The following LIN7A variants were observed in gnomAD, a reference collection of about 807,000 sequenced individuals.
LIN7A encodes the protein lin-7 cell polarity scaffold A, also known as protein lin-7 homolog A.
LIN7A carries 25 observed loss-of-function variants against 29.8 expected under a neutral mutation model. The ratio of observed to expected loss-of-function variants is 0.84; its 90% CI spans 0.61 to 1.17. The LOEUF (loss-of-function observed/expected upper bound fraction) is 1.17, where lower values mean the gene tolerates loss of function less well. Among genes scored for constraint, LIN7A ranks in the 50% most tolerant of loss-of-function variants. LIN7A has a pLI of 0.00. For missense variants in LIN7A, 239 were observed against 287.0 expected (o/e 0.83, Z 1.21); for synonymous variants, 118 against 107.5 (o/e 1.10, Z -0.60).
chr12:80,921,942 T>C (rs576545668), intron 1 of LIN7A, among the ~76,000 whole-genome samples: 1 of 152,340 alleles, frequency 6.6e-6, no homozygotes, highest in African/African-American at 2.4e-5. Context: ...ATATTCCCTT[T>C]GAGTTCACAA....
chr12:80,918,618 A>T (rs143748794), intron 1 of LIN7A, among the ~76,000 whole-genome samples: 38 of 151,672 alleles, frequency 2.5e-4, no homozygotes, highest in African/African-American at 8.2e-4. Flanking sequence ...TGGAGATTCT[A>T]CTCCCTCATT....
intron 1 of LIN7A, among the ~76,000 whole-genome samples, chr12:80,919,923 C>A (rs1015957321): frequency 1.3e-5 from 2 of 152,070 alleles, no homozygotes; most frequent in Admixed American, 1.3e-4. Context: ...AAGTCACAAG[C>A]AATTGCAGTC....
chr12:80,921,241 C>A (rs1877285401), intron 1 of LIN7A, among the ~76,000 whole-genome samples: 1 of 151,854 alleles, frequency 6.6e-6, no homozygotes, highest in Non-Finnish European at 1.5e-5. Flanking sequence ...TATGCTGGTA[C>A]CTTGATTTTG....
chr12:80,876,862 C>T (rs1874730355), intron 2 of LIN7A, among the ~76,000 whole-genome samples: 1 of 152,152 alleles, frequency 6.6e-6, no homozygotes, highest in African/African-American at 2.4e-5. Context: ...TGGCTCATGC[C>T]TGTAATCCCA....
chr12:80,813,726 G>A (rs576949818), intron 4 of LIN7A, among the ~76,000 whole-genome samples: 30 of 152,266 alleles, frequency 2.0e-4, no homozygotes, highest in African/African-American at 7.2e-4. Context: ...AAAGAAGAAA[G>A]TTGTAATTAG....
intron 1 of LIN7A, among the ~76,000 whole-genome samples, chr12:80,907,055 C>CTCTCTGTG (rs1555228957): frequency 2.8e-5 from 4 of 145,298 alleles, no homozygotes; most frequent in East Asian, 2.0e-4. Flanking sequence ...AGTGCGTGCT[C>CTCTCTGTG]TGTGTGTGTG....
intron 4 of LIN7A, among the ~76,000 whole-genome samples, chr12:80,836,345 G>T (rs1052859226): frequency 1.3e-5 from 2 of 152,158 alleles, no homozygotes; most frequent in African/African-American, 4.8e-5. Context: ...ACCCTTCAAA[G>T]AGGCCATTTC....
At chr12:80,816,004 T>C (rs1366649374) in intron 4 of LIN7A, among the ~76,000 whole-genome samples, 1 of 152,188 alleles carries the variant, frequency 6.6e-6, no homozygotes, top group Non-Finnish European at 1.5e-5. Context: ...AGGCTGGCCA[T>C]GAGCATACTT....
At chr12:80,836,257 A>G (rs558663185) in intron 4 of LIN7A, among the ~76,000 whole-genome samples, 2 of 152,284 alleles carry the variant, frequency 1.3e-5, no homozygotes, top group South Asian at 4.1e-4. Context: ...CAAATCATGG[A>G]CTTCCTTATC....
chr12:80,888,272 T>C (rs938089960), intron 2 of LIN7A, among the ~76,000 whole-genome samples: 49 of 152,314 alleles, frequency 3.2e-4, no homozygotes, highest in Admixed American at 2.9e-3. Flanking sequence ...ATGTATTGCA[T>C]AGGCACCAGT....
intron 2 of LIN7A, among the ~76,000 whole-genome samples, chr12:80,869,551 A>T (rs769618763): frequency 4.3e-4 from 66 of 152,196 alleles, no homozygotes; most frequent in Middle Eastern, 3.4e-3. Context: ...GCACCCTCTG[A>T]CTTCTTTTTA....
chr12:80,868,584 C>T (rs1015330136), intron 2 of LIN7A, among the ~76,000 whole-genome samples: 15 of 152,048 alleles, frequency 9.9e-5, no homozygotes, highest in African/African-American at 3.6e-4. Flanking sequence ...ATCAATCAAA[C>T]AAACAAACAA....
chr12:80,853,904 G>C (rs1873459442), intron 2 of LIN7A, among the ~76,000 whole-genome samples: 1 of 152,058 alleles, frequency 6.6e-6, no homozygotes. Context: ...ATATTGTTCA[G>C]GCTGGTCTCG....
chr12:80,932,162 G>A (rs1877949073), intron 1 of LIN7A, among the ~76,000 whole-genome samples: 1 of 152,284 alleles, frequency 6.6e-6, no homozygotes, highest in South Asian at 2.1e-4. Flanking sequence ...AGCTCTGCCT[G>A]CCTTGAAAAG....
chr12:80,850,734 C>A (rs1038831437), intron 2 of LIN7A, among the ~76,000 whole-genome samples: 2 of 152,134 alleles, frequency 1.3e-5, no homozygotes, highest in Non-Finnish European at 1.5e-5. Flanking sequence ...TTAAGCTATA[C>A]CTTTTCTTCG....
At chr12:80,834,742 T>C (rs1872533801) in intron 4 of LIN7A, among the ~76,000 whole-genome samples, 2 of 152,230 alleles carry the variant, frequency 1.3e-5, no homozygotes, top group Admixed American at 1.3e-4. Context: ...TGTCATCTGA[T>C]TGCCATATGT....
At chr12:80,863,780 A>G (rs984304601) in intron 2 of LIN7A, among the ~76,000 whole-genome samples, 3 of 152,346 alleles carry the variant, frequency 2.0e-5, no homozygotes, top group Non-Finnish European at 2.9e-5. Flanking sequence ...ACCCTATCCT[A>G]TACCCCATCT....
At chr12:80,899,558 G>C (rs1160321977) in intron 1 of LIN7A, among the ~76,000 whole-genome samples, 1 of 151,830 alleles carries the variant, frequency 6.6e-6, no homozygotes, top group Admixed American at 6.6e-5. Context: ...CAGTAGGAAT[G>C]GTACCAGTTC....
chr12:80,893,302 C>T (rs556202348), intron 1 of LIN7A, among the ~76,000 whole-genome samples: 6 of 152,224 alleles, frequency 3.9e-5, no homozygotes, highest in African/African-American at 1.4e-4. Flanking sequence ...ATTGGAATCA[C>T]CCGTGAAATT....
Sources: allele counts gnomAD v4.1 joint callset (sites outside exome capture counted in the v4.1 genomes callset), GRCh38; gene constraint gnomAD v4.1.1; transcripts MANE v1.5; gene names NCBI Gene and HGNC (gene_info 2026-07-23, HGNC 2026-07-21).